Variants in RBFOX3 observed in about 807,000 individuals in gnomAD.
RBFOX3 encodes RNA binding protein fox-1 homolog 3.
RBFOX3 carries 17 observed loss-of-function variants against 48.7 expected under a neutral mutation model. That is an observed-to-expected ratio of 0.35 (90% CI 0.24 to 0.52). RBFOX3 has a LOEUF of 0.52. Among genes scored for constraint, RBFOX3 ranks in the 20% least tolerant of loss-of-function variants. RBFOX3 has a pLI of 0.94. For synonymous variants in RBFOX3, 212 were observed against 209.5 expected (o/e 1.01, Z -0.10); for missense variants, 382 against 497.5 (o/e 0.77, Z 2.21).
chr17:79,373,864 TG>T (rs529079825), intron 2 of RBFOX3, among the ~76,000 whole-genome samples: 101 of 150,934 alleles, frequency 6.7e-4, no homozygotes, highest in Admixed American at 1.1e-3. Flanking sequence ...TTTTTGTTTT[TG>T]TTTTTGTTTT....
intron 4 of RBFOX3, among the ~76,000 whole-genome samples, chr17:79,229,392 A>T (rs2060730701): frequency 6.8e-6 from 1 of 146,974 alleles, no homozygotes; most frequent in Non-Finnish European, 1.5e-5. Flanking sequence ...CACCATCTCT[A>T]CTAAAAATAC....
intron 2 of RBFOX3, among the ~76,000 whole-genome samples, chr17:79,420,497 CT>C (rs2066140040): frequency 1.3e-5 from 2 of 152,296 alleles, no homozygotes; most frequent in Non-Finnish European, 2.9e-5. Context: ...CTGGGACCTT[CT>C]CCCTCCACAG....
At chr17:79,609,579 G>C (rs1490028022) in intron 1 of RBFOX3, among the ~76,000 whole-genome samples, 1 of 152,192 alleles carries the variant, frequency 6.6e-6, no homozygotes, top group Non-Finnish European at 1.5e-5. Context: ...AGGGGAGGGG[G>C]AGGCAGCTCT....
At chr17:79,112,904 C>CGGCGGGGGGGGGGGGGGGGGGGGG (rs1307784460) in intron 5 of RBFOX3, among the ~76,000 whole-genome samples, 1 of 10,364 alleles carries the variant, frequency 9.6e-5, no homozygotes, top group Admixed American at 9.2e-4. Flanking sequence ...AGCAGGCTCT[C>CGGCGGGGGGGGGGGGGGGGGGGGG]GGGGGGGGGG....
In RBFOX3 at chr17:79,554,678, A is replaced by C. The variant is rs977842165; in HGVS notation, c.-320+56148T>G. Among the ~76,000 whole-genome samples, 1,257 of 152,396 alleles carry C rather than the reference A, an allele frequency of 8.2e-3. 8 individuals are homozygous for C. The highest frequency in any genetic ancestry group is 0.015 in the Admixed American group (222 of 15,308). ...ACCTAACACAGGGTCTCACACATGG[A>C]AGGTTTTCAATATACATTTGTGGGA... On this transcript the variant is annotated intron_variant, in intron 1 of 14. Coordinates refer to ENST00000693108, the MANE Select transcript of RBFOX3 (RefSeq NM_001350451.2).
In RBFOX3 at chr17:79,489,667, T is replaced by G. The variant is rs1025873321; in HGVS notation, c.-319-7069A>C. Among the ~76,000 whole-genome samples, 25 of 152,312 alleles carry G rather than the reference T, an allele frequency of 1.6e-4. 1 individual carries two copies. The highest frequency in any genetic ancestry group is 3.1e-4 in the Non-Finnish European group (21 of 68,022). On this transcript the variant is annotated intron_variant, in intron 1 of 14. Transcript: ENST00000693108. ...CTGTGCACCCTCCCAACTGCAGCATTTCCTCAGGGTATGCAGCCCTCTGGA... is the reference window on the plus strand; with the variant it reads ...CTGTGCACCCTCCCAACTGCAGCATGTCCTCAGGGTATGCAGCCCTCTGGA...
intron 1 of RBFOX3, among the ~76,000 whole-genome samples, chr17:79,549,632 G>A (rs2090932145): frequency 1.3e-5 from 2 of 152,216 alleles, no homozygotes; most frequent in African/African-American, 4.8e-5. Context: ...GGCCCTCAGT[G>A]GGGCAGGCCT....
At chr17:79,380,270 T>C (rs1373839197) in intron 2 of RBFOX3, among the ~76,000 whole-genome samples, 2 of 152,234 alleles carry the variant, frequency 1.3e-5, no homozygotes, top group Non-Finnish European at 2.9e-5. Flanking sequence ...TTTAATTGCA[T>C]GTCAAAATTA....
chr17:79,393,015 G>A (rs769421441), intron 2 of RBFOX3, among the ~76,000 whole-genome samples: 1 of 152,158 alleles, frequency 6.6e-6, no homozygotes, highest in African/African-American at 2.4e-5. Flanking sequence ...CAAGTGCATC[G>A]TGATGGAGAC....
At position 79,328,874 on chromosome 17, in the gene RBFOX3, C is replaced by T. The variant is rs993052488; in HGVS notation, c.-174-21050G>A. On this transcript the variant is annotated intron_variant, in intron 2 of 14. Coordinates refer to ENST00000693108, the MANE Select transcript of RBFOX3 (RefSeq NM_001350451.2). ...TTGCCCAGGGATAGGGATGGGGCATCAGGAGGGAGCCTGGGCAGCAAAGGA... is the reference window on the plus strand; with the variant it reads ...TTGCCCAGGGATAGGGATGGGGCATTAGGAGGGAGCCTGGGCAGCAAAGGA... 6.6e-5 allele frequency among the ~76,000 whole-genome samples: 10 copies of T among 152,274 alleles called. 1 individual carries two copies. The Middle Eastern group carries it at 0.01, about 155-fold the overall frequency.
chr17:79,527,149 C>T (rs1040826407), intron 1 of RBFOX3, among the ~76,000 whole-genome samples: 1 of 152,268 alleles, frequency 6.6e-6, no homozygotes, highest in Admixed American at 6.5e-5. Context: ...ACCTCCCTGT[C>T]ACCCGCCCAG....
chr17:79,471,818 C>T lies in RBFOX3; in HGVS notation c.-175+10636G>A, dbSNP rs1013161934. ...CACTCCTGCATCACACCTAGCGCCC[C>T]GTGTGTGACCCGGGATCCCACCGTT... On this transcript the variant is annotated intron_variant, in intron 2 of 14. Coordinates refer to ENST00000693108, the MANE Select transcript of RBFOX3 (RefSeq NM_001350451.2). This position sits in a 1 kb window ranked among gnomAD's most constrained non-coding sequence, Gnocchi z 4.0. Among the ~76,000 whole-genome samples the T allele has an allele frequency of 1.3e-5, 2 of 152,172 alleles. No homozygotes were observed. Among genetic ancestry groups the T allele is most frequent in the African/African-American group, 2.4e-5 (1 of 41,444 alleles).
At chr17:79,213,555 C>T (rs2058649303) in intron 4 of RBFOX3, among the ~76,000 whole-genome samples, 1 of 152,238 alleles carries the variant, frequency 6.6e-6, no homozygotes, top group Non-Finnish European at 1.5e-5. Flanking sequence ...AGGCTCCTCC[C>T]CCAGGGTCAG....
At chr17:79,588,669 G>A (rs1189147357) in intron 1 of RBFOX3, among the ~76,000 whole-genome samples, 10 of 152,172 alleles carry the variant, frequency 6.6e-5, no homozygotes, top group Admixed American at 6.5e-4. Context: ...TCCTGAGCTT[G>A]GACCTGGGTG....
At chr17:79,427,654 C>T (rs990811066) in intron 2 of RBFOX3, among the ~76,000 whole-genome samples, 2 of 151,894 alleles carry the variant, frequency 1.3e-5, no homozygotes, top group Non-Finnish European at 2.9e-5. Context: ...ACAGCTAAGG[C>T]CCCCGAAGAA....
At chr17:79,181,999 AC>A (rs1161622152) in intron 4 of RBFOX3, among the ~76,000 whole-genome samples, 43 of 140,202 alleles carry the variant, frequency 3.1e-4, no homozygotes, top group Admixed American at 1.3e-3. Context: ...ACACACACAC[AC>A]AAACACACAA....
At chr17:79,191,991 G>A (rs531086003) in intron 4 of RBFOX3, among the ~76,000 whole-genome samples, 1 of 152,288 alleles carries the variant, frequency 6.6e-6, no homozygotes, top group South Asian at 2.1e-4. Context: ...TTGCCCAAGA[G>A]CAGGGGAAGT....
upstream of RBFOX3, among the ~76,000 whole-genome samples, chr17:79,612,777 G>T (rs1406098324): frequency 2.6e-5 from 4 of 152,206 alleles, no homozygotes; most frequent in African/African-American, 4.8e-5. Context: ...TCTGCTGTCA[G>T]ATGGTCCAGG....
intron 2 of RBFOX3, among the ~76,000 whole-genome samples, chr17:79,328,756 G>A (rs1438665528): frequency 6.6e-6 from 1 of 152,242 alleles, no homozygotes; most frequent in Non-Finnish European, 1.5e-5. Flanking sequence ...GGCTTCACCT[G>A]TGAAAACAGC....
Sources: allele counts gnomAD v4.1 joint callset (sites outside exome capture counted in the v4.1 genomes callset), GRCh38; gene constraint gnomAD v4.1.1; non-coding constraint Gnocchi (gnomAD v3.1); transcripts MANE v1.5; gene names NCBI Gene and HGNC (gene_info 2026-07-23, HGNC 2026-07-21).